TVP23A: variants seen among roughly 807,000 people sequenced by gnomAD.
TVP23A encodes the protein trans-golgi network vesicle protein 23 homolog A.
A neutral mutation model predicts 31.7 loss-of-function variants in TVP23A; 21 were observed. That is an observed-to-expected ratio of 0.66 (90% CI 0.47 to 0.95). The LOEUF (loss-of-function observed/expected upper bound fraction) is 0.95, where lower values mean the gene tolerates loss of function less well. Among genes scored for constraint, TVP23A ranks in the 40% least tolerant of loss-of-function variants. The pLI is 0.00. For synonymous variants in TVP23A, 104 were observed against 96.0 expected, an observed-to-expected ratio of 1.08 and a Z score of -0.49; for missense variants, 279 against 255.6, an observed-to-expected ratio of 1.09 and a Z score of -0.62.
At chr16:10,765,519 T>A (rs1251395402), downstream of TVP23A, among the ~76,000 whole-genome samples, 1 of 151,768 alleles carries the variant, frequency 6.6e-6, no homozygotes, top group Non-Finnish European at 1.5e-5. This position sits in a 1 kb window ranked among gnomAD's most constrained non-coding sequence, Gnocchi z 4.0. Context: ...AAAAAAAATT[T>A]AAAAATGGCA....
chr16:10,810,554 A>G (rs949892985), intron 2 of TVP23A, among the ~76,000 whole-genome samples: 3 of 151,628 alleles, frequency 2.0e-5, no homozygotes, highest in African/African-American at 7.3e-5. Flanking sequence ...CTCAAAAAAA[A>G]AAAAAAAGAA....
chr16:10,798,829 A>G (rs956073794), intron 2 of TVP23A, among the ~76,000 whole-genome samples: 1 of 151,872 alleles, frequency 6.6e-6, no homozygotes, highest in Non-Finnish European at 1.5e-5. Flanking sequence ...ACACCCAGCT[A>G]ATTTTTGTAT....
intron 2 of TVP23A, chr16:10,800,410 A>G (rs2033639830): frequency 6.6e-6 from 1 of 152,168 alleles, no homozygotes. Flanking sequence ...TTCTGGAACC[A>G]GGGTGTGTCT....
chr16:10,770,357 T>C, intron 6 of TVP23A, 26 bp from the exon 7 acceptor site: 1 of 1,549,292 alleles, frequency 6.5e-7, no homozygotes, highest in Non-Finnish European at 8.7e-7. Context: ...TCAACCATGG[T>C]TTTCTGTCCT....
chr16:10,768,308 T>TA lies in TVP23A; in HGVS notation c.*793dup, dbSNP rs35848081. On this transcript the variant is annotated 3_prime_UTR_variant, in exon 8 of 8. Coordinates refer to ENST00000299866, the MANE Select transcript of TVP23A (RefSeq NM_001079512.4). This position sits in a 1 kb window ranked among gnomAD's most constrained non-coding sequence, Gnocchi z 4.3. ...GTAATTCATTTTTAAAAGTAACTGATAAAAAAAAAAAAGGCCAGGTGCAGT... is the reference window on the plus strand; with the variant it reads ...GTAATTCATTTTTAAAAGTAACTGATAAAAAAAAAAAAAGGCCAGGTGCAGT... The TA allele has an allele frequency of 0.084, 14,768 of 175,212 alleles. 592 individuals are homozygous for TA. The highest frequency in any genetic ancestry group is 0.18 in the South Asian group (1,435 of 7,818). The allele number at this position is 175,212 out of a possible 1,614,324, so 10.9% of individuals were successfully genotyped here. A position where few individuals can be genotyped will look rare whatever the true frequency, so the allele number is the denominator to read the frequency against.
At chr16:10,786,815 TAGA>T (rs1389466889) in intron 2 of TVP23A, among the ~76,000 whole-genome samples, 1 of 151,838 alleles carries the variant, frequency 6.6e-6, no homozygotes, top group Non-Finnish European at 1.5e-5. Context: ...AATTTAAAAG[TAGA>T]AGAAGAAAGA....
chr16:10,805,542 T>A (rs1258990630), intron 2 of TVP23A, among the ~76,000 whole-genome samples: 1 of 148,194 alleles, frequency 6.7e-6, no homozygotes, highest in African/African-American at 2.5e-5. Flanking sequence ...CTCTGAGTCA[T>A]CTCGGAAGCC....
In TVP23A at chr16:10,767,351, A is replaced by G; in HGVS notation, c.*1751T>C. Reference sequence around the variant, plus strand: ...AACAATGGCCACATGGCGGGGAAAGACTAGCAGACTGATAGACACCAGCAC... The same window carrying G: ...AACAATGGCCACATGGCGGGGAAAGGCTAGCAGACTGATAGACACCAGCAC... On this transcript the variant is annotated 3_prime_UTR_variant, in exon 8 of 8. Coordinates refer to ENST00000299866, the MANE Select transcript of TVP23A (RefSeq NM_001079512.4). This position sits in a 1 kb window ranked among gnomAD's most constrained non-coding sequence, Gnocchi z 4.6. 1 of 399,626 alleles carries G rather than the reference A, an allele frequency of 2.5e-6. No homozygotes were observed. Among genetic ancestry groups the G allele is most frequent in the Non-Finnish European group, 4.4e-6 (1 of 226,850 alleles). The allele number at this position is 399,626 out of a possible 1,614,324, so 24.8% of individuals were successfully genotyped here. A position where few individuals can be genotyped will look rare whatever the true frequency, so the allele number is the denominator to read the frequency against.
chr16:10,809,788 C>T (rs923212381), intron 2 of TVP23A, among the ~76,000 whole-genome samples: 6 of 152,284 alleles, frequency 3.9e-5, no homozygotes, highest in Non-Finnish European at 5.9e-5. Flanking sequence ...CATCCCAAGG[C>T]AGCTGGAAAC....
chr16:10,794,042 C>T (rs1376686821), intron 2 of TVP23A, among the ~76,000 whole-genome samples: 5 of 151,834 alleles, frequency 3.3e-5, no homozygotes, highest in African/African-American at 1.2e-4. Context: ...TTGAATGCTG[C>T]ACCCCCAGGA....
chr16:10,761,472 A>G lies in TVP23A; in HGVS notation c.*303T>C, dbSNP rs554915911. On this transcript the variant is annotated 3_prime_UTR_variant and NMD_transcript_variant, in exon 9 of 9. Coordinates refer to the TVP23A transcript ENST00000456096. ...GAGTGGCTTCATCTGTCCTAAGTGC[A>G]AGGTGAGGGCGCGTGGGGCTGCCAG... The G allele has an allele frequency of 1.3e-4, 210 of 1,613,400 alleles. 2 individuals carry two copies. In the South Asian group the frequency reaches 2.2e-3, roughly 17 times the overall value.
intron 2 of TVP23A, among the ~76,000 whole-genome samples, chr16:10,785,132 T>C (rs2032671361): frequency 7.2e-6 from 1 of 138,914 alleles, no homozygotes; most frequent in Admixed American, 7.5e-5. Flanking sequence ...AGGCCGGGCA[T>C]GGTGGCTCAC....
intron 2 of TVP23A, among the ~76,000 whole-genome samples, chr16:10,805,837 T>G (rs910887211): frequency 6.6e-6 from 1 of 152,072 alleles, no homozygotes; most frequent in Non-Finnish European, 1.5e-5. Flanking sequence ...TGAAAATGTT[T>G]GTTGGTTTAA....
At chr16:10,775,438 G>T in intron 2 of TVP23A, 1 of 1,086,204 alleles carries the variant, frequency 9.2e-7, no homozygotes, top group South Asian at 3.0e-5. Flanking sequence ...AGAGATGACG[G>T]CCAGTTCCCT....
chr16:10,784,312 G>A (rs1235591528), intron 2 of TVP23A, among the ~76,000 whole-genome samples: 1 of 151,110 alleles, frequency 6.6e-6, no homozygotes, highest in Non-Finnish European at 1.5e-5. Context: ...CTAGGCGACA[G>A]AGCAAGACTC....
At chr16:10,761,716 C>CA (rs753391157), downstream of TVP23A, 7 of 1,527,544 alleles carry the variant, frequency 4.6e-6, no homozygotes, top group East Asian at 9.1e-5. Context: ...TGTGATTCTG[C>CA]AAAAAAATTA....
chr16:10,775,165 A>G (rs1440254354), intron 2 of TVP23A, 69 bp from the exon 3 acceptor site: 7 of 1,532,182 alleles, frequency 4.6e-6, no homozygotes, highest in South Asian at 2.5e-5. Flanking sequence ...TCCCTTTACC[A>G]CTTCAGACTT....
chr16:10,771,767 G>C lies in TVP23A; in HGVS notation c.485C>G (p.Ala162Gly). 2.5e-6 allele frequency: 4 copies of C among 1,591,584 alleles called. No individual in the cohort carries two copies. Among genetic ancestry groups the C allele is most frequent in the Non-Finnish European group, 3.4e-6 (4 of 1,168,666 alleles). The change falls in exon 6 of 8, where the codon GCT becomes GGT. Residue 162 changes from alanine (A) to glycine (G), a missense_variant. By Grantham distance (60) the Ala-to-Gly change is moderately conservative. Transcript: ENST00000299866. The part of the protein sequence containing the change: ...ALVVAGISLQ[A>G]ANLYGYILCK... ...AAGGATGTAGCCATACAGGTTTGCA[G>C]CTTGGAGAGAGATCCCAGCAACCAC...
chr16:10,816,490 C>A (rs1020475231), intron 2 of TVP23A, among the ~76,000 whole-genome samples: 2 of 152,064 alleles, frequency 1.3e-5, no homozygotes, highest in Admixed American at 1.3e-4. Context: ...CATGCCACTA[C>A]ACCCAGCTAA....
Sources: allele counts gnomAD v4.1 joint callset (sites outside exome capture counted in the v4.1 genomes callset), GRCh38; gene constraint gnomAD v4.1.1; non-coding constraint Gnocchi (gnomAD v3.1); transcripts MANE v1.5; gene names NCBI Gene and HGNC (gene_info 2026-07-23, HGNC 2026-07-21).